The following LIMK2 variants were observed in gnomAD, a reference collection of about 807,000 sequenced individuals.
The protein encoded by LIMK2 is LIM domain kinase 2.
In LIMK2, 35 loss-of-function variants were observed where a neutral mutation model predicts 75.7. The ratio of observed to expected loss-of-function variants is 0.46; its 90% CI spans 0.35 to 0.61. LIMK2 has a LOEUF of 0.61. Ranked by LOEUF, LIMK2 falls within the 20% of genes least tolerant of loss-of-function variation. The pLI, the probability that LIMK2 is intolerant of heterozygous loss-of-function variation, is 0.00. For missense variants in LIMK2, 623 were observed against 831.0 expected (o/e 0.75, Z 3.08); for synonymous variants, 301 against 319.2 (o/e 0.94, Z 0.61).
intron 2 of LIMK2, among the ~76,000 whole-genome samples, chr22:31,252,178 C>A (rs2048731623): frequency 6.6e-6 from 1 of 152,106 alleles, no homozygotes; most frequent in Non-Finnish European, 1.5e-5. Flanking sequence ...CAGCACAGCA[C>A]CTTGCCTGCT....
At chr22:31,274,401 G>A (rs1023093259) in intron 14 of LIMK2, among the ~76,000 whole-genome samples, 3 of 151,928 alleles carry the variant, frequency 2.0e-5, no homozygotes, top group African/African-American at 7.3e-5. Context: ...GGAATGTTTT[G>A]TTTTTGTTTT....
chr22:31,258,867 T>G, intron 3 of LIMK2: 1 of 456,428 alleles, frequency 2.2e-6, no homozygotes, highest in Non-Finnish European at 4.0e-6. Context: ...AGAACTGATC[T>G]TTTTTAGTGG....
intron 2 of LIMK2, among the ~76,000 whole-genome samples, chr22:31,253,315 A>G (rs192404033): frequency 3.3e-5 from 5 of 152,326 alleles, no homozygotes; most frequent in Admixed American, 2.0e-4. Flanking sequence ...AGGTAGAAAA[A>G]CAGCCTTGGC....
At chr22:31,264,843 G>A (rs1028152485) in intron 7 of LIMK2, among the ~76,000 whole-genome samples, 1 of 151,968 alleles carries the variant, frequency 6.6e-6, no homozygotes, top group African/African-American at 2.4e-5. Flanking sequence ...CGAATCACAA[G>A]GTCAGGAGTT....
rs1178379342 is a variant in LIMK2 at position 31,212,528 on chromosome 22, G to A, written c.16+104G>A. The A allele has an allele frequency of 6.2e-6, 7 of 1,135,724 alleles. No individual in the cohort carries two copies. In the African/African-American group the frequency reaches 6.3e-5, roughly 10 times the overall value. The allele number at this position is 1,135,724 out of a possible 1,614,324, so 70.4% of individuals were successfully genotyped here. On this transcript the variant is annotated intron_variant, in intron 1 of 15. Transcript: ENST00000331728. ...CTCTCGGGGGTTTCGGGCTGGTTGGGTCCTCGTGGGTCCGAGCTCCTCAGA... is the reference window on the plus strand; with the variant it reads ...CTCTCGGGGGTTTCGGGCTGGTTGGATCCTCGTGGGTCCGAGCTCCTCAGA...
chr22:31,237,057 C>T (rs542853213), intron 2 of LIMK2, among the ~76,000 whole-genome samples: 2 of 148,288 alleles, frequency 1.3e-5, no homozygotes, highest in African/African-American at 2.5e-5. Context: ...GTCAGGAGAT[C>T]GAGACCATCC....
chr22:31,241,516 C>T (rs2048623734), intron 2 of LIMK2, among the ~76,000 whole-genome samples: 1 of 152,178 alleles, frequency 6.6e-6, no homozygotes, highest in Non-Finnish European at 1.5e-5. Context: ...CTGTCTTCTC[C>T]TCCTTTTTCC....
chr22:31,224,506 C>T (rs903530751), intron 1 of LIMK2, among the ~76,000 whole-genome samples: 4 of 152,166 alleles, frequency 2.6e-5, no homozygotes, highest in African/African-American at 9.7e-5. Flanking sequence ...GCTAGTCAAC[C>T]CTGCCCCCTG....
chr22:31,250,140 G>T (rs751559159), intron 2 of LIMK2, among the ~76,000 whole-genome samples: 8 of 152,132 alleles, frequency 5.3e-5, no homozygotes, highest in Non-Finnish European at 7.3e-5. Context: ...CTTGTTGAAG[G>T]TGTGGCTGAG....
chr22:31,250,915 A>C (rs2048718694), intron 2 of LIMK2, among the ~76,000 whole-genome samples: 1 of 152,102 alleles, frequency 6.6e-6, no homozygotes, highest in African/African-American at 2.4e-5. Flanking sequence ...AGTCTATGGG[A>C]GTTCTGGGGC....
intron 15 of LIMK2, chr22:31,277,196 C>A (rs2049038763): frequency 6.2e-7 from 1 of 1,609,530 alleles, no homozygotes; most frequent in African/African-American, 1.3e-5. Context: ...ACCCCCCGAC[C>A]TCGTAGCAAC....
At chr22:31,273,999 AG>A (rs2048985757) in intron 14 of LIMK2, among the ~76,000 whole-genome samples, 1 of 144,766 alleles carries the variant, frequency 6.9e-6, no homozygotes, top group South Asian at 2.2e-4. Flanking sequence ...TCGCCCGGCC[AG>A]GTTTTTTTTT....
intron 2 of LIMK2, among the ~76,000 whole-genome samples, chr22:31,232,144 G>C (rs1398078436): frequency 6.6e-6 from 1 of 151,402 alleles, no homozygotes; most frequent in African/African-American, 2.4e-5. Context: ...ACTAAAACAG[G>C]AAGGCCCAGA....
intron 2 of LIMK2, among the ~76,000 whole-genome samples, chr22:31,229,848 A>G (rs779706489): frequency 6.6e-6 from 1 of 152,098 alleles, no homozygotes; most frequent in African/African-American, 2.4e-5. Context: ...ACAGGAAGCT[A>G]CTTAAAGCTG....
Position 31,259,244 on chromosome 22 carries a change from C to T in LIMK2, c.362+14C>T. 6.6e-7 allele frequency: 1 copy of T among 1,515,778 alleles called. No individual in the cohort carries two copies. 93.9% of individuals were successfully genotyped at this position (1,515,778 alleles called of 1,614,324 possible). Reference sequence around the variant, plus strand: ...CACCCTCTACTGGTAAGATAGTGGTCCTTTGTCTATCCTCTCCCATATAAG... The same window carrying T: ...CACCCTCTACTGGTAAGATAGTGGTTCTTTGTCTATCCTCTCCCATATAAG... On this transcript the variant is annotated intron_variant, in intron 4 of 15. Transcript: ENST00000331728.
chr22:31,255,491 T>C (rs1327940989), intron 2 of LIMK2, among the ~76,000 whole-genome samples: 2 of 152,238 alleles, frequency 1.3e-5, no homozygotes, highest in South Asian at 2.1e-4. Context: ...CCAGGAGGAA[T>C]TGGGCACTCC....
At chr22:31,242,031 C>T (rs2048627642) in intron 2 of LIMK2, among the ~76,000 whole-genome samples, 1 of 152,166 alleles carries the variant, frequency 6.6e-6, no homozygotes, top group South Asian at 2.1e-4. Flanking sequence ...GGAATCCTGC[C>T]TCTACAGTTT....
At chr22:31,229,099 G>A (rs2048503693) in intron 2 of LIMK2, among the ~76,000 whole-genome samples, 2 of 152,138 alleles carry the variant, frequency 1.3e-5, no homozygotes, top group African/African-American at 4.8e-5. Context: ...GGGATTAAGG[G>A]CAACTTTGAA....
At chr22:31,278,275 A>G (rs1006619439) in intron 15 of LIMK2, 22 bp from the exon 16 acceptor site, 5 of 1,600,038 alleles carry the variant, frequency 3.1e-6, no homozygotes, top group Admixed American at 1.7e-5. Context: ...ACCTGCCTCT[A>G]ATTTACCTCT....
Sources: gnomAD v4.1 joint callset for allele counts (sites outside exome capture counted in the v4.1 genomes callset) on GRCh38, gnomAD v4.1.1 for gene constraint, MANE v1.5 for transcripts, NCBI Gene and HGNC (gene_info 2026-07-23, HGNC 2026-07-21) for gene names.